The following CTNNA3 variants were observed in gnomAD, a reference collection of about 807,000 sequenced individuals.
The protein encoded by CTNNA3 is catenin alpha-3.
In CTNNA3, 76 loss-of-function variants were observed where a neutral mutation model predicts 95.7. That is an observed-to-expected ratio of 0.79 (90% CI 0.66 to 0.96). The LOEUF (loss-of-function observed/expected upper bound fraction) is 0.96, where lower values mean the gene tolerates loss of function less well. CTNNA3 is among the 40% of genes least tolerant of loss of function. The pLI, the probability that CTNNA3 is intolerant of heterozygous loss-of-function variation, is 0.00. For missense variants in CTNNA3, 1,191 were observed against 1,089.8 expected, an observed-to-expected ratio of 1.09 and a Z score of -1.31; for synonymous variants, 431 against 374.4, an observed-to-expected ratio of 1.15 and a Z score of -1.74.
At chr10:67,363,279 A>G (rs1843067518) in intron 5 of CTNNA3, among the ~76,000 whole-genome samples, 1 of 152,022 alleles carries the variant, frequency 6.6e-6, no homozygotes, top group Non-Finnish European at 1.5e-5. Context: ...AAACTCATAT[A>G]AAACCAAAAA....
chr10:67,183,515 A>G (rs545345576), intron 6 of CTNNA3, among the ~76,000 whole-genome samples: 2 of 152,042 alleles, frequency 1.3e-5, no homozygotes, highest in East Asian at 2.0e-4. Context: ...CAGGAAGGGG[A>G]ACATCACACA....
intron 5 of CTNNA3, among the ~76,000 whole-genome samples, chr10:67,269,284 A>G (rs1589110112): frequency 6.6e-6 from 1 of 152,192 alleles, no homozygotes; most frequent in East Asian, 1.9e-4. Context: ...TAGTCCAGAA[A>G]TGTATATGAG....
chr10:66,910,931 T>G (rs1846195938), intron 7 of CTNNA3, among the ~76,000 whole-genome samples: 1 of 152,218 alleles, frequency 6.6e-6, no homozygotes, highest in Non-Finnish European at 1.5e-5. Flanking sequence ...TTAGATAGTA[T>G]ATTGGGAAAG....
chr10:66,542,917 A>C (rs1841907683), intron 10 of CTNNA3, among the ~76,000 whole-genome samples: 1 of 152,064 alleles, frequency 6.6e-6, no homozygotes, highest in South Asian at 2.1e-4. Flanking sequence ...AAATAAAATA[A>C]AACTTGAAAT....
Position 66,826,992 on chromosome 10 carries a change from C to T in CTNNA3, c.1048-51468G>A, listed in dbSNP as rs115274992. ...ACTGTACCAAGTTACTTATGATTTT[C>T]CAAAAATTGACTATATCTTTACTGA... On this transcript the variant is annotated intron_variant, in intron 7 of 17. Transcript: ENST00000433211. 7.5e-3 allele frequency among the ~76,000 whole-genome samples: 1,141 copies of T among 152,236 alleles called. 12 individuals are homozygous for T. Among genetic ancestry groups the T allele is most frequent in the African/African-American group, 0.026 (1,078 of 41,536 alleles).
chr10:66,810,930 T>C (rs1841850614), intron 7 of CTNNA3, among the ~76,000 whole-genome samples: 1 of 152,208 alleles, frequency 6.6e-6, no homozygotes, highest in Non-Finnish European at 1.5e-5. Flanking sequence ...TCTTCCTCCC[T>C]GTCTTCATTT....
intron 5 of CTNNA3, among the ~76,000 whole-genome samples, chr10:67,317,249 A>G (rs1424166506): frequency 6.6e-6 from 1 of 151,492 alleles, no homozygotes; most frequent in Non-Finnish European, 1.5e-5. Flanking sequence ...TTTAGGGTAC[A>G]TGTGCACAAC....
chr10:65,926,325 A>G (rs1446388056), intron 17 of CTNNA3, among the ~76,000 whole-genome samples: 2 of 152,042 alleles, frequency 1.3e-5, no homozygotes, highest in African/African-American at 4.8e-5. Flanking sequence ...TCTTTTGGTG[A>G]ACAAATGTAT....
intron 10 of CTNNA3, among the ~76,000 whole-genome samples, chr10:66,559,807 C>A (rs1222024768): frequency 6.6e-6 from 1 of 152,018 alleles, no homozygotes; most frequent in Non-Finnish European, 1.5e-5. Flanking sequence ...TCTCTCCATC[C>A]CACGCCACCC....
At chr10:67,241,274 T>A (rs960837237) in intron 5 of CTNNA3, among the ~76,000 whole-genome samples, 2 of 151,984 alleles carry the variant, frequency 1.3e-5, no homozygotes, top group African/African-American at 4.8e-5. Flanking sequence ...AATACAAAAA[T>A]TAGTTGGGCA....
intron 7 of CTNNA3, among the ~76,000 whole-genome samples, chr10:67,167,237 A>G (rs1861810566): frequency 6.6e-6 from 1 of 152,172 alleles, no homozygotes; most frequent in Non-Finnish European, 1.5e-5. Flanking sequence ...TGCAGTGGGA[A>G]CCATATAAAA....
chr10:65,934,666 A>G (rs2077307767), intron 17 of CTNNA3, among the ~76,000 whole-genome samples: 2 of 152,166 alleles, frequency 1.3e-5, no homozygotes, highest in South Asian at 4.1e-4. Context: ...TGGTATTGAG[A>G]TATTGTTTAA....
intron 13 of CTNNA3, among the ~76,000 whole-genome samples, chr10:66,118,518 G>C (rs2082435170): frequency 6.6e-6 from 1 of 152,102 alleles, no homozygotes; most frequent in African/African-American, 2.4e-5. Context: ...GCTATGCTCT[G>C]TCCTCTCTTT....
chr10:65,918,706 C>T lies in CTNNA3; in HGVS notation c.*1624G>A, dbSNP rs750277219. 4 of 152,098 alleles carry T rather than the reference C, an allele frequency of 2.6e-5. No homozygotes were observed. Among genetic ancestry groups the T allele is most frequent in the Non-Finnish European group, 5.9e-5 (4 of 68,020 alleles). The allele number at this position is 152,098 out of a possible 1,614,324, so 9.4% of individuals were successfully genotyped here. On this transcript the variant is annotated 3_prime_UTR_variant, in exon 18 of 18. Transcript: ENST00000433211. ...AGTTTTACACTGAGCTCAGGCAATC[C>T]AGCTACTTGGAAGATTGAAATAATT...
intron 1 of CTNNA3, among the ~76,000 whole-genome samples, chr10:67,736,707 G>A (rs143362357): frequency 4.0e-5 from 6 of 151,840 alleles, no homozygotes; most frequent in Admixed American, 3.3e-4. Flanking sequence ...CACCCACCTC[G>A]GCCTCCCAAA....
rs2077683080 is a variant in CTNNA3 at position 65,954,199 on chromosome 10, T to C, written c.2400+12413A>G. Among the ~76,000 whole-genome samples, 6 of 152,376 alleles carry C rather than the reference T, an allele frequency of 3.9e-5. No individual in the cohort carries two copies. The South Asian group carries it at 1.2e-3, about 32-fold the overall frequency. ...TAAATGTCTTCTTTTGAGAAATGTC[T>C]GTTCATATCCTTCGCCCACTTTTTG... On this transcript the variant is annotated intron_variant, in intron 17 of 17. Coordinates refer to ENST00000433211, the MANE Select transcript of CTNNA3 (RefSeq NM_013266.4).
intron 1 of CTNNA3, among the ~76,000 whole-genome samples, chr10:67,747,185 A>G (rs1841378787): frequency 2.0e-5 from 3 of 152,162 alleles, no homozygotes; most frequent in African/African-American, 4.8e-5. Flanking sequence ...GGACCAGCAG[A>G]CTTAGTCTTT....
chr10:66,425,047 T>A (rs528765800), intron 11 of CTNNA3, among the ~76,000 whole-genome samples: 1 of 152,198 alleles, frequency 6.6e-6, no homozygotes, highest in South Asian at 2.1e-4. Context: ...TCTGAAGCTA[T>A]CTACAAATAA....
intron 9 of CTNNA3, among the ~76,000 whole-genome samples, chr10:66,713,912 G>A (rs1234822931): frequency 6.6e-6 from 1 of 152,016 alleles, no homozygotes; most frequent in African/African-American, 2.4e-5. Flanking sequence ...GCATCCTGCT[G>A]CCTGTTAAAG....
Sources: gnomAD v4.1 joint callset for allele counts (sites outside exome capture counted in the v4.1 genomes callset) on GRCh38, gnomAD v4.1.1 for gene constraint, MANE v1.5 for transcripts, NCBI Gene and HGNC (gene_info 2026-07-23, HGNC 2026-07-21) for gene names.